KLF8: variants seen among roughly 807,000 people sequenced by gnomAD.
The protein encoded by KLF8 is KLF transcription factor 8, also known as Krueppel-like factor 8.
In KLF8, 10 loss-of-function variants were observed where a neutral mutation model predicts 18.2. That is an observed-to-expected ratio of 0.55 (90% CI 0.34 to 0.93). KLF8 has a LOEUF of 0.93. KLF8 is among the 40% of genes least tolerant of loss of function. KLF8 has a pLI of 0.02. For synonymous variants in KLF8, 109 were observed against 97.3 expected (o/e 1.12, Z -0.71); for missense variants, 264 against 277.9 (o/e 0.95, Z 0.36).
chrX:56,233,370 C>G (rs1452780162), intron 1 of KLF8, 29 bp downstream of exon 1: 2 of 1,033,068 alleles, frequency 1.9e-6, no homozygotes, highest in African/African-American at 3.7e-5. Flanking sequence ...AATACCCACC[C>G]ACTCCCACCT....
At chrX:55,909,255 C>G in the KLF8 span, among the ~76,000 whole-genome samples, 4 of 112,195 alleles carry the variant, frequency 3.6e-5, no homozygotes, top group Non-Finnish European at 5.6e-5. Context: ...GCGAGGACAG[C>G]TTTTTCTTAC....
chrX:56,013,216 C>T, the KLF8 span, among the ~76,000 whole-genome samples: 3 of 112,644 alleles, frequency 2.7e-5, no homozygotes, highest in Admixed American at 9.3e-5. Context: ...TAATGACTGC[C>T]CTATTGGATT....
the KLF8 span, among the ~76,000 whole-genome samples, chrX:56,132,963 A>G: frequency 9.0e-6 from 1 of 111,475 alleles, no homozygotes; most frequent in Admixed American, 9.6e-5. Flanking sequence ...AGCTTAAATT[A>G]GGAAGAATTA....
chrX:55,994,233 T>A, the KLF8 span, among the ~76,000 whole-genome samples: 1 of 12,483 alleles, frequency 8.0e-5, no homozygotes, highest in Non-Finnish European at 2.3e-3. Context: ...TTAATAGACT[T>A]TTTTTTTTTC....
At chrX:56,164,237 G>A in the KLF8 span, among the ~76,000 whole-genome samples, 1 of 96,101 alleles carries the variant, frequency 1.0e-5, no homozygotes, top group Non-Finnish European at 2.1e-5. Flanking sequence ...CATAAGACAA[G>A]TACTGTATTC....
chrX:56,111,987 T>C, the KLF8 span, among the ~76,000 whole-genome samples: 1 of 111,849 alleles, frequency 8.9e-6, no homozygotes. Flanking sequence ...ACTGGGTATA[T>C]ACCCAAAGGG....
the KLF8 span, among the ~76,000 whole-genome samples, chrX:55,970,941 T>C: frequency 8.9e-6 from 1 of 112,095 alleles, no homozygotes; most frequent in African/African-American, 3.2e-5. Flanking sequence ...TGATATTCTA[T>C]GTTCATGGAT....
At chrX:55,985,640 GT>G in the KLF8 span, among the ~76,000 whole-genome samples, 44 of 103,403 alleles carry the variant, frequency 4.3e-4, no homozygotes, top group Admixed American at 1.5e-3. Flanking sequence ...ATTTTAAAAG[GT>G]TTTTTTTTTT....
chrX:56,107,140 T>G, the KLF8 span, among the ~76,000 whole-genome samples: 950 of 111,819 alleles, frequency 8.5e-3, 6 homozygotes, highest in Non-Finnish European at 0.013. Context: ...CGGCTCCTAC[T>G]GGGAGGTGTC....
At chrX:56,107,520 C>G in the KLF8 span, among the ~76,000 whole-genome samples, 2 of 111,933 alleles carry the variant, frequency 1.8e-5, no homozygotes, top group Admixed American at 9.5e-5. Flanking sequence ...ATGGGACCCG[C>G]CAAGCCCGGC....
At chrX:56,203,372 G>C in the KLF8 span, among the ~76,000 whole-genome samples, 6 of 112,030 alleles carry the variant, frequency 5.4e-5, no homozygotes, top group African/African-American at 1.6e-4. Context: ...CCACTCTGTG[G>C]GTCGTTTCTT....
the KLF8 span, among the ~76,000 whole-genome samples, chrX:56,127,526 C>T: frequency 9.0e-6 from 1 of 110,537 alleles, no homozygotes; most frequent in East Asian, 2.9e-4. Context: ...AATAACCAGG[C>T]ATGATGGTGT....
chrX:56,233,157 G>C lies in KLF8; in HGVS notation c.-178G>C, dbSNP rs867575793. The C allele has an allele frequency of 1.8e-4, 96 of 522,510 alleles. No homozygotes were observed. In the Middle Eastern group the frequency reaches 2.0e-3, roughly 11 times the overall value. 43.1% of individuals were successfully genotyped at this position (522,510 alleles called of 1,213,427 possible). A position where few individuals can be genotyped will look rare whatever the true frequency, so the allele number is the denominator to read the frequency against. On this transcript the variant is annotated 5_prime_UTR_variant, in exon 1 of 6. Coordinates refer to ENST00000468660, the MANE Select transcript of KLF8 (RefSeq NM_007250.5). ...CTTTCGACCCCCTCCTCATTTTCCA[G>C]CCCGGAGAAATAGGGGAGTGGGGGC...
intron 5 of KLF8, among the ~76,000 whole-genome samples, chrX:56,274,058 CT>C (rs1446299776): frequency 1.8e-5 from 2 of 111,940 alleles, no homozygotes; most frequent in Non-Finnish European, 3.8e-5. Context: ...ATTACTGGAT[CT>C]TATGATAGCC....
At chrX:56,074,691 C>CT in the KLF8 span, 1 of 168,007 alleles carries the variant, frequency 6.0e-6, no homozygotes. Flanking sequence ...ATAATTGGAC[C>CT]TTTTTAGTAA....
chrX:56,049,003 C>T, the KLF8 span, among the ~76,000 whole-genome samples: 8 of 111,255 alleles, frequency 7.2e-5, no homozygotes, highest in African/African-American at 2.0e-4. Flanking sequence ...AAGTTGGATT[C>T]CTAGGTATTT....
the KLF8 span, among the ~76,000 whole-genome samples, chrX:56,077,170 C>A: frequency 3.6e-5 from 4 of 112,047 alleles, no homozygotes; most frequent in African/African-American, 1.3e-4. Context: ...TCAATTATGG[C>A]TTTTGTTGCC....
chrX:56,002,409 TTGTGTGTATGTGTGTGTGTGTG>T, the KLF8 span, among the ~76,000 whole-genome samples: 3 of 69,154 alleles, frequency 4.3e-5, no homozygotes, highest in African/African-American at 1.6e-4. Context: ...ATTAATCAAT[TTGTGTGTATGTGTGTGTGTGTG>T]TGTGTGTGTG....
the KLF8 span, among the ~76,000 whole-genome samples, chrX:56,144,802 G>GTTTC: frequency 1.3e-3 from 134 of 106,852 alleles, no homozygotes; most frequent in African/African-American, 4.4e-3. Flanking sequence ...TTGTTTGTTT[G>GTTTC]TTTGTTTTGA....
Sources: gnomAD v4.1 joint callset for allele counts (sites outside exome capture counted in the v4.1 genomes callset) on GRCh38, gnomAD v4.1.1 for gene constraint, MANE v1.5 for transcripts, NCBI Gene and HGNC (gene_info 2026-07-23, HGNC 2026-07-21) for gene names.